DSCAML1: variants seen among roughly 807,000 people sequenced by gnomAD.
DSCAML1 encodes the protein cell adhesion molecule DSCAML1.
DSCAML1 carries 38 observed loss-of-function variants against 200.5 expected under a neutral mutation model. That is an observed-to-expected ratio of 0.19 (90% CI 0.15 to 0.25). The LOEUF is 0.25. Ranked by LOEUF, DSCAML1 falls within the 10% of genes least tolerant of loss-of-function variation. The probability of loss-of-function intolerance (pLI) is 1.00; values close to 1 mark genes in which losing one functional copy is unlikely to be tolerated. For missense variants in DSCAML1, 2,223 were observed against 2,858.8 expected, an observed-to-expected ratio of 0.78 and a Z score of 5.07; for synonymous variants, 1,215 against 1,165.0, an observed-to-expected ratio of 1.04 and a Z score of -0.87.
At chr11:117,709,776 C>T (rs1447886488) in intron 3 of DSCAML1, 1 of 454,268 alleles carries the variant, frequency 2.2e-6, no homozygotes, top group Admixed American at 2.3e-5. Flanking sequence ...GACCCATCAC[C>T]CTAAGGAGCG....
rs1479973942 is a variant in DSCAML1, at chr11:117,780,341, G to A, written c.364+152C>T. 1.2e-5 allele frequency: 6 copies of A among 497,168 alleles called. No individual in the cohort carries two copies. Among genetic ancestry groups the A allele is most frequent in the Non-Finnish European group, 1.9e-5 (6 of 307,758 alleles). The allele number at this position is 497,168 out of a possible 1,614,324, so 30.8% of individuals were successfully genotyped here. A position where few individuals can be genotyped will look rare whatever the true frequency, so the allele number is the denominator to read the frequency against. On this transcript the variant is annotated intron_variant, in intron 2 of 32. Transcript: ENST00000651296. The surrounding 1 kb of genome is among the most constrained non-coding windows in gnomAD (Gnocchi z 4.8). ...AAAGAAAGGTGTCTCTTATGCCTAT[G>A]GACACACAGCAAGTGGTACAACAAA... is the stretch of plus-strand genomic sequence containing the variant.
chr11:117,593,686 T>G (rs567391159), intron 3 of DSCAML1, among the ~76,000 whole-genome samples: 2 of 150,946 alleles, frequency 1.3e-5, no homozygotes, highest in African/African-American at 4.9e-5. Context: ...CCTTGAACCA[T>G]AGTATTGAAC....
In DSCAML1 at chr11:117,437,534, T is replaced by C; in HGVS notation, c.4433-125A>G. On this transcript the variant is annotated intron_variant, in intron 25 of 32. Coordinates refer to ENST00000651296, the MANE Select transcript of DSCAML1 (RefSeq NM_020693.4). This position sits in a 1 kb window ranked among gnomAD's most constrained non-coding sequence, Gnocchi z 5.3. ...GGCAGTGGCTCCAGGAGAATACATG[T>C]TTGGCACAGATGGGGTGGGGAAGCC... is the stretch of plus-strand genomic sequence containing the variant. The C allele has an allele frequency of 8.3e-7, 1 of 1,211,166 alleles. No individual in the cohort carries two copies. Among genetic ancestry groups the C allele is most frequent in the Non-Finnish European group, 1.2e-6 (1 of 864,036 alleles). The allele number at this position is 1,211,166 out of a possible 1,614,324, so 75.0% of individuals were successfully genotyped here. A position where few individuals can be genotyped will look rare whatever the true frequency, so the allele number is the denominator to read the frequency against.
chr11:117,665,859 C>T (rs1307152535), intron 3 of DSCAML1, among the ~76,000 whole-genome samples: 1 of 152,176 alleles, frequency 6.6e-6, no homozygotes, highest in Non-Finnish European at 1.5e-5. Flanking sequence ...AGGAAAGAAA[C>T]AGGGATCTAT....
At chr11:117,697,803 G>A (rs908105992) in intron 3 of DSCAML1, among the ~76,000 whole-genome samples, 13 of 146,878 alleles carry the variant, frequency 8.9e-5, no homozygotes, top group Non-Finnish European at 1.0e-4. Flanking sequence ...ACGGAGTCTC[G>A]CTCTGTCGCC....
At chr11:117,575,502 T>C (rs1038494429) in intron 3 of DSCAML1, among the ~76,000 whole-genome samples, 4 of 152,186 alleles carry the variant, frequency 2.6e-5, no homozygotes, top group Admixed American at 6.5e-5. Context: ...CAAGGTGAAG[T>C]CCTGGCATCT....
chr11:117,437,820 C>A lies in DSCAML1; in HGVS notation c.4432+75G>T. 2 of 1,459,290 alleles carry A rather than the reference C, an allele frequency of 1.4e-6. No individual in the cohort carries two copies. Among genetic ancestry groups the A allele is most frequent in the South Asian group, 1.4e-5 (1 of 73,256 alleles). 90.4% of individuals were successfully genotyped at this position (1,459,290 alleles called of 1,614,324 possible). On this transcript the variant is annotated intron_variant, in intron 25 of 32. Coordinates refer to ENST00000651296, the MANE Select transcript of DSCAML1 (RefSeq NM_020693.4). The surrounding 1 kb of genome is among the most constrained non-coding windows in gnomAD (Gnocchi z 5.3). Reference sequence around the variant, plus strand: ...CCTTCCCCACCCCAGCCACCTTACACCCCATACCTGGCCCCTCTAGCCCAC... The same window carrying A: ...CCTTCCCCACCCCAGCCACCTTACAACCCATACCTGGCCCCTCTAGCCCAC...
intron 3 of DSCAML1, among the ~76,000 whole-genome samples, chr11:117,708,692 G>A (rs1348387060): frequency 1.3e-5 from 2 of 152,184 alleles, no homozygotes; most frequent in Non-Finnish European, 2.9e-5. Context: ...CTGAGAAAGG[G>A]TGTTCCCCAA....
At position 117,583,465 on chromosome 11, in the gene DSCAML1, G is replaced by A. The variant is rs191952482; in HGVS notation, c.512-50943C>T. Among the ~76,000 whole-genome samples, 622 of 152,236 alleles carry A rather than the reference G, an allele frequency of 4.1e-3. 3 individuals carry two copies. Among genetic ancestry groups the A allele is most frequent in the Admixed American group, 6.3e-3 (96 of 15,296 alleles). ...ATCCCCTGCCCATCCAAATCTGAACGCCTGCCAGCCTTCTAGGCTCAGCTG... is the reference window on the plus strand; with the variant it reads ...ATCCCCTGCCCATCCAAATCTGAACACCTGCCAGCCTTCTAGGCTCAGCTG... On this transcript the variant is annotated intron_variant, in intron 3 of 32. Coordinates refer to ENST00000651296, the MANE Select transcript of DSCAML1 (RefSeq NM_020693.4).
At chr11:117,459,674 G>A (rs755802252) in intron 18 of DSCAML1, among the ~76,000 whole-genome samples, 2 of 152,240 alleles carry the variant, frequency 1.3e-5, no homozygotes, top group Non-Finnish European at 2.9e-5. Context: ...AGAGTCCCAT[G>A]GGGGCCAGAG....
chr11:117,572,328 G>A (rs954011228), intron 3 of DSCAML1, among the ~76,000 whole-genome samples: 1 of 152,164 alleles, frequency 6.6e-6, no homozygotes, highest in Non-Finnish European at 1.5e-5. Flanking sequence ...TGGCCTCTCC[G>A]AGTTTCCAGC....
intron 20 of DSCAML1, among the ~76,000 whole-genome samples, chr11:117,447,134 A>G (rs1311469850): frequency 6.6e-6 from 1 of 152,228 alleles, no homozygotes; most frequent in East Asian, 1.9e-4. Context: ...ACAAAAATAC[A>G]AATATTAGCC....
At position 117,437,089 on chromosome 11, in the gene DSCAML1, C is replaced by T. The variant is rs1295024060; in HGVS notation, c.4720+33G>A. The T allele has an allele frequency of 1.3e-6, 2 of 1,595,944 alleles. No individual in the cohort carries two copies. Among genetic ancestry groups the T allele is most frequent in the East Asian group, 2.2e-5 (1 of 44,682 alleles). On this transcript the variant is annotated intron_variant, in intron 26 of 32. Transcript: ENST00000651296. This position sits in a 1 kb window ranked among gnomAD's most constrained non-coding sequence, Gnocchi z 5.3. ...TTCCTTCGCACCACCCTGCTCCAGC[C>T]TCTGTACCATCCCTTCCACCCTTGC...
chr11:117,811,297 AT>A lies in DSCAML1; in HGVS notation c.-250+6092del. On this transcript the variant is annotated intron_variant, in intron 1 of 2. Transcript: ENST00000525836. ...CCCTAAAAGGTCAAAAGGCCATCTTATTCTCAATATACATTTTATTACCCAA... is the reference window on the plus strand; with the variant it reads ...CCCTAAAAGGTCAAAAGGCCATCTTATCTCAATATACATTTTATTACCCAA... Among the ~76,000 whole-genome samples, 4 of 152,308 alleles carry A rather than the reference AT, an allele frequency of 2.6e-5. No homozygotes were observed. The South Asian group carries it at 8.3e-4, about 32-fold the overall frequency.
At chr11:117,572,848 C>A (rs1029465801) in intron 3 of DSCAML1, among the ~76,000 whole-genome samples, 2 of 152,174 alleles carry the variant, frequency 1.3e-5, no homozygotes, top group African/African-American at 4.8e-5. Context: ...CCCTGGAGAC[C>A]TCACAAGGCC....
intron 11 of DSCAML1, among the ~76,000 whole-genome samples, chr11:117,490,959 C>T (rs951065796): frequency 6.6e-5 from 10 of 152,204 alleles, no homozygotes. Flanking sequence ...GTGAGTCTGG[C>T]CTTCCCTGTC....
chr11:117,475,736 C>T (rs2048777928), intron 14 of DSCAML1, among the ~76,000 whole-genome samples: 1 of 152,204 alleles, frequency 6.6e-6, no homozygotes, highest in African/African-American at 2.4e-5. Context: ...CCTTGCCTTG[C>T]TCAGCTGCAA....
chr11:117,583,679 C>G (rs969180453), intron 3 of DSCAML1, among the ~76,000 whole-genome samples: 1 of 152,234 alleles, frequency 6.6e-6, no homozygotes, highest in African/African-American at 2.4e-5. Context: ...ACACGCTTGA[C>G]CAGATTAGGC....
chr11:117,672,789 C>T (rs756107388), intron 3 of DSCAML1, among the ~76,000 whole-genome samples: 1 of 152,186 alleles, frequency 6.6e-6, no homozygotes, highest in Non-Finnish European at 1.5e-5. Flanking sequence ...TTCAAAGACT[C>T]GGGGTATCAT....
Sources: allele counts gnomAD v4.1 joint callset (sites outside exome capture counted in the v4.1 genomes callset), GRCh38; gene constraint gnomAD v4.1.1; non-coding constraint Gnocchi (gnomAD v3.1); transcripts MANE v1.5; gene names NCBI Gene and HGNC (gene_info 2026-07-23, HGNC 2026-07-21).